FHAD1: variants seen among roughly 807,000 people sequenced by gnomAD.
FHAD1 encodes forkhead-associated domain-containing protein 1.
FHAD1 carries 146 observed loss-of-function variants against 191.3 expected under a neutral mutation model. The ratio of observed to expected loss-of-function variants is 0.76; its 90% CI spans 0.67 to 0.88. The LOEUF (loss-of-function observed/expected upper bound fraction) is 0.88. Among genes scored for constraint, FHAD1 ranks in the 40% least tolerant of loss-of-function variants. FHAD1 has a pLI of 0.00. For missense variants in FHAD1, 1,635 were observed against 1,785.8 expected, an observed-to-expected ratio of 0.92 and a Z score of 1.52; for synonymous variants, 616 against 672.3, an observed-to-expected ratio of 0.92 and a Z score of 1.29.
At chr1:15,237,516 C>T (rs1427903618) in intron 1 of FHAD1, among the ~76,000 whole-genome samples, 4 of 152,158 alleles carry the variant, frequency 2.6e-5, no homozygotes, top group African/African-American at 9.7e-5. Context: ...CGTGGAAGCA[C>T]GTCCCTCCCT....
At chr1:15,331,402 G>A (rs955710498) in intron 14 of FHAD1, among the ~76,000 whole-genome samples, 1 of 151,186 alleles carries the variant, frequency 6.6e-6, no homozygotes, top group Non-Finnish European at 1.5e-5. Flanking sequence ...ATGGATGGAA[G>A]CATTGGTGGG....
intron 23 of FHAD1, among the ~76,000 whole-genome samples, chr1:15,365,246 T>C (rs1696036212): frequency 6.6e-6 from 1 of 152,198 alleles, no homozygotes; most frequent in Admixed American, 6.5e-5. Flanking sequence ...TGGTGGGTAG[T>C]GGGTATCAGT....
At chr1:15,398,593 CAGT>C (rs1706686940), downstream of FHAD1, among the ~76,000 whole-genome samples, 1 of 152,084 alleles carries the variant, frequency 6.6e-6, no homozygotes, top group African/African-American at 2.4e-5. Context: ...CTAGTTGTTA[CAGT>C]CCCAGGCCAC....
upstream of FHAD1, among the ~76,000 whole-genome samples, chr1:15,244,752 CA>C (rs1445848376): frequency 6.6e-6 from 1 of 151,678 alleles, no homozygotes; most frequent in African/African-American, 2.4e-5. The surrounding 1 kb of genome is among the most constrained non-coding windows in gnomAD (Gnocchi z 5.1). Context: ...TAGATTCTAC[CA>C]GGGGTCAGGG....
chr1:15,335,085 A>G (rs554402270), intron 14 of FHAD1, among the ~76,000 whole-genome samples: 67 of 152,346 alleles, frequency 4.4e-4, no homozygotes, highest in Non-Finnish European at 8.8e-4. Flanking sequence ...CCCCAGGGGA[A>G]TCCAGGCGGG....
intron 2 of FHAD1, among the ~76,000 whole-genome samples, chr1:15,254,505 A>AT (rs1647177820): frequency 1.4e-5 from 1 of 71,962 alleles, no homozygotes; most frequent in African/African-American, 8.8e-5. Context: ...ATTTTTGTTC[A>AT]CAGTAAGGTG....
intron 2 of FHAD1, among the ~76,000 whole-genome samples, chr1:15,266,024 G>T (rs1653352318): frequency 6.6e-6 from 1 of 151,574 alleles, no homozygotes; most frequent in African/African-American, 2.4e-5. Context: ...AAGAAATGTG[G>T]TCAGTAGGAA....
At position 15,367,534 on chromosome 1, in the gene FHAD1, C is replaced by T. The variant is rs1242246587; in HGVS notation, c.3226C>T (p.Leu1076=). 5 of 1,544,810 alleles carry T rather than the reference C, an allele frequency of 3.2e-6. No homozygotes were observed. Among genetic ancestry groups the T allele is most frequent in the Non-Finnish European group, 4.4e-6 (5 of 1,143,472 alleles). ...VVLVQQQSKE[L]SVLKEKMAQM... ...GCTGGTCCAGCAGCAGAGCAAGGAG[C>T]TGAGTGTGCTCAAGGAGAAGATGGC... Residue 1076 remains leucine (L), a synonymous_variant, in exon 25 of 34, where the codon CTG becomes TTG. Coordinates refer to ENST00000688493, the MANE Select transcript of FHAD1 (RefSeq NM_001391957.1).
At chr1:15,333,072 T>C (rs1336586692) in intron 14 of FHAD1, among the ~76,000 whole-genome samples, 1 of 152,160 alleles carries the variant, frequency 6.6e-6, no homozygotes, top group Non-Finnish European at 1.5e-5. Flanking sequence ...AACTAGTTGG[T>C]TCTAAGAACT....
In FHAD1 at chr1:15,371,653, CAG is replaced by C. The variant is rs547778567; in HGVS notation, c.3447+2157_3447+2158del. Among the ~76,000 whole-genome samples, 58 of 152,318 alleles carry C rather than the reference CAG, an allele frequency of 3.8e-4. No homozygotes were observed. The East Asian group carries it at 0.011, about 29-fold the overall frequency. On this transcript the variant is annotated intron_variant, in intron 26 of 33. Coordinates refer to ENST00000688493, the MANE Select transcript of FHAD1 (RefSeq NM_001391957.1). ...AGTATCTGCTGCCCCCTGCTATACA[CAG>C]AGAGACAGAGAGCAAGGGAGAACGT... is the stretch of plus-strand genomic sequence containing the variant.
At chr1:15,247,029 C>T (rs1320457902), upstream of FHAD1, among the ~76,000 whole-genome samples, 1 of 152,200 alleles carries the variant, frequency 6.6e-6, no homozygotes, top group Non-Finnish European at 1.5e-5. Context: ...GCTCCTTCCT[C>T]GCTGTAAAAC....
rs575646192 is a variant in FHAD1 at position 15,324,518 on chromosome 1, G to C, written c.1432G>C (p.Glu478Gln). Residue 478 changes from glutamate (E) to glutamine (Q), a missense_variant, in exon 11 of 34, where the codon GAG (glutamate) becomes CAG (glutamine). By Grantham distance (29) the Glu-to-Gln change is conservative (BLOSUM62 2). Transcript: ENST00000688493. ...TCAGCTGCAAGAAATGGGGAACAGA[G>C]AGAGCGTCATTAAAATCAATTTGGA... Reference protein sequence around the residue: ...LLQLQEMGNRESVIKINLERA... With the variant: ...LLQLQEMGNRQSVIKINLERA... 26 of 1,552,136 alleles carry C rather than the reference G, an allele frequency of 1.7e-5. No individual in the cohort carries two copies. In the African/African-American group the frequency reaches 3.3e-4, roughly 20 times the overall value.
chr1:15,355,605 G>A (rs1466691610), intron 20 of FHAD1, among the ~76,000 whole-genome samples: 2 of 152,190 alleles, frequency 1.3e-5, no homozygotes, highest in Admixed American at 1.3e-4. Flanking sequence ...AACAATTGCA[G>A]TTTGTTGTGA....
chr1:15,344,144 C>T (rs905953811), intron 16 of FHAD1, among the ~76,000 whole-genome samples: 4 of 152,194 alleles, frequency 2.6e-5, no homozygotes, highest in Admixed American at 6.5e-5. Flanking sequence ...CTCTGATACT[C>T]GGATTGATGG....
At chr1:15,359,232 AT>A (rs1177631031) in intron 21 of FHAD1, among the ~76,000 whole-genome samples, 1 of 152,134 alleles carries the variant, frequency 6.6e-6, no homozygotes, top group Non-Finnish European at 1.5e-5. Context: ...AGCTCCCGAG[AT>A]TTGGGTGCAC....
At chr1:15,339,420 C>A in intron 14 of FHAD1, 61 bp from the exon 15 acceptor site, 3 of 785,120 alleles carry the variant, frequency 3.8e-6, no homozygotes, top group Non-Finnish European at 5.5e-6. Flanking sequence ...TTTCATCCAC[C>A]TGTCTGCAAG....
intron 4 of FHAD1, 75 bp from the exon 5 acceptor site, chr1:15,296,609 T>C: frequency 4.0e-6 from 5 of 1,255,816 alleles, no homozygotes; most frequent in Non-Finnish European, 5.7e-6. Context: ...ACAGGAAGGC[T>C]AACGTGAACA....
intron 6 of FHAD1, among the ~76,000 whole-genome samples, chr1:15,304,880 A>C (rs1435712549): frequency 2.0e-5 from 3 of 152,078 alleles, no homozygotes; most frequent in African/African-American, 7.2e-5. Context: ...CAAGGTTTTC[A>C]GGGACAGACA....
rs571312997 is a variant in FHAD1, at chr1:15,258,062, G to A, written c.93+6185G>A. Among the ~76,000 whole-genome samples the A allele has an allele frequency of 1.7e-4, 26 of 152,106 alleles. No individual in the cohort carries two copies. The East Asian group carries it at 2.5e-3, about 15-fold the overall frequency. ...TCGCCACATTGGCCAGGCTGGTCTC[G>A]AACTCCCTACCTCAGGTGATCCACC... On this transcript the variant is annotated intron_variant, in intron 2 of 33. Transcript: ENST00000688493.
Sources: allele counts gnomAD v4.1 joint callset (sites outside exome capture counted in the v4.1 genomes callset), GRCh38; gene constraint gnomAD v4.1.1; non-coding constraint Gnocchi (gnomAD v3.1); transcripts MANE v1.5; gene names NCBI Gene and HGNC (gene_info 2026-07-23, HGNC 2026-07-21).